Variants in PARVA observed in about 807,000 individuals in gnomAD.
The protein encoded by PARVA is alpha-parvin.
PARVA carries 25 observed loss-of-function variants against 52.6 expected under a neutral mutation model. The observed-to-expected ratio is 0.48, with a 90% confidence interval of 0.35 to 0.66. PARVA has a LOEUF of 0.66. PARVA is among the 30% of genes least tolerant of loss of function. PARVA has a pLI of 0.01. For missense variants in PARVA, 373 were observed against 450.9 expected, an observed-to-expected ratio of 0.83 and a Z score of 1.56; for synonymous variants, 185 against 179.1, an observed-to-expected ratio of 1.03 and a Z score of -0.26.
chr11:12,383,415 T>C (rs988771415), intron 1 of PARVA, among the ~76,000 whole-genome samples: 8 of 152,248 alleles, frequency 5.3e-5, no homozygotes, highest in African/African-American at 1.9e-4. Flanking sequence ...TACCCATTCA[T>C]TTAAGTTTTT....
intron 1 of PARVA, among the ~76,000 whole-genome samples, chr11:12,399,841 G>T (rs946094976): frequency 2.0e-5 from 3 of 152,020 alleles, no homozygotes; most frequent in Non-Finnish European, 2.9e-5. Context: ...TTCCCTCATT[G>T]TTGGAGCTTA....
chr11:12,473,911 AGAG>A lies in PARVA; in HGVS notation c.229_231del (p.Glu77del). ...CCCACTGAATTCCTTTTCTTTTTAA[AGAG>A]GAGAATGAGGTGCGAACAATGGTGG... On this transcript the variant is annotated splice_acceptor_variant and coding_sequence_variant, in exon 3 of 13. Coordinates refer to ENST00000334956, the MANE Select transcript of PARVA (RefSeq NM_018222.5). LOFTEE classifies it high-confidence loss of function. 6.3e-7 allele frequency: 1 copy of A among 1,574,846 alleles called. No homozygotes were observed. Among genetic ancestry groups the A allele is most frequent in the Non-Finnish European group, 8.6e-7 (1 of 1,159,888 alleles).
chr11:12,506,730 T>G (rs1248681237), intron 6 of PARVA, among the ~76,000 whole-genome samples: 3 of 152,204 alleles, frequency 2.0e-5, no homozygotes, highest in African/African-American at 4.8e-5. Flanking sequence ...TGTTTTTGCT[T>G]TATCAAGTTG....
chr11:12,406,651 G>C (rs555566714), intron 1 of PARVA, among the ~76,000 whole-genome samples: 63 of 140,574 alleles, frequency 4.5e-4, no homozygotes, highest in Non-Finnish European at 7.9e-4. Flanking sequence ...TAGCTATTTA[G>C]GTTGTATCTG....
At chr11:12,396,495 T>C (rs1565326605) in intron 1 of PARVA, among the ~76,000 whole-genome samples, 2 of 152,212 alleles carry the variant, frequency 1.3e-5, no homozygotes, top group African/African-American at 4.8e-5. Context: ...GACAGGTTCA[T>C]CATTCTCTCT....
intron 3 of PARVA, 135 bp from the exon 4 acceptor site, chr11:12,477,712 A>G: frequency 1.7e-6 from 1 of 603,686 alleles, no homozygotes; most frequent in South Asian, 2.0e-5. Context: ...GTGAGACCCC[A>G]TCTCAAATAA....
intron 10 of PARVA, among the ~76,000 whole-genome samples, chr11:12,515,667 C>G (rs796372665): frequency 3.3e-5 from 5 of 152,282 alleles, no homozygotes; most frequent in African/African-American, 1.2e-4. Context: ...TTCTTTTACT[C>G]CTAACTCCTT....
At chr11:12,409,999 G>A (rs1939971692) in intron 1 of PARVA, among the ~76,000 whole-genome samples, 1 of 152,080 alleles carries the variant, frequency 6.6e-6, no homozygotes, top group South Asian at 2.1e-4. Flanking sequence ...GACTATCTAG[G>A]GGACTTGCTA....
chr11:12,425,849 G>C (rs931210517), intron 1 of PARVA, among the ~76,000 whole-genome samples: 1 of 152,144 alleles, frequency 6.6e-6, no homozygotes, highest in African/African-American at 2.4e-5. Flanking sequence ...TTCTTACTTC[G>C]TTACCAGGCA....
At chr11:12,393,695 G>A (rs1040260424) in intron 1 of PARVA, among the ~76,000 whole-genome samples, 4 of 152,160 alleles carry the variant, frequency 2.6e-5, no homozygotes, top group African/African-American at 7.2e-5. Flanking sequence ...ACTCAGCTAT[G>A]TGGCCACACC....
chr11:12,397,030 C>G (rs558641441), intron 1 of PARVA, among the ~76,000 whole-genome samples: 2 of 149,586 alleles, frequency 1.3e-5, no homozygotes, highest in Non-Finnish European at 1.5e-5. Context: ...TAAGAGTGTT[C>G]AGCGGTTTAT....
chr11:12,407,240 GA>G (rs1443357744), intron 1 of PARVA, among the ~76,000 whole-genome samples: 1 of 152,120 alleles, frequency 6.6e-6, no homozygotes, highest in Non-Finnish European at 1.5e-5. Context: ...TTAGCATCTG[GA>G]AATATCAATT....
rs1564857435 is a variant in PARVA, at chr11:12,477,831, TTC to T, written c.298-6_298-5del. 3.2e-5 allele frequency: 43 copies of T among 1,352,242 alleles called. No homozygotes were observed. The highest frequency in any genetic ancestry group is 2.3e-4 in the East Asian group (10 of 43,714). The allele number at this position is 1,352,242 out of a possible 1,614,324, so 83.8% of individuals were successfully genotyped here. A position where few individuals can be genotyped will look rare whatever the true frequency, so the allele number is the denominator to read the frequency against. On this transcript the variant is annotated splice_polypyrimidine_tract_variant and intron_variant, in intron 3 of 12. Transcript: ENST00000334956. The stretch of plus-strand genomic sequence containing the variant: ...CTTTTCTTACTATTGCACATTCCCT[TTC>T]TCTCTCTCTGTAGGTATTAATTGAC...
intron 12 of PARVA, among the ~76,000 whole-genome samples, chr11:12,522,656 T>A (rs1050776077): frequency 2.0e-5 from 3 of 151,988 alleles, no homozygotes; most frequent in Non-Finnish European, 2.9e-5. Context: ...TGATCTCAGG[T>A]GATCCGCCTG....
intron 12 of PARVA, among the ~76,000 whole-genome samples, 198 bp from the exon 13 acceptor site, chr11:12,527,651 T>G (rs1369159998): frequency 1.3e-5 from 2 of 152,142 alleles, no homozygotes; most frequent in Non-Finnish European, 2.9e-5. Context: ...TCAGGCCTTC[T>G]TATCTGGAGA....
At chr11:12,463,777 C>T (rs1589967208) in intron 1 of PARVA, among the ~76,000 whole-genome samples, 1 of 152,258 alleles carries the variant, frequency 6.6e-6, no homozygotes, top group African/African-American at 2.4e-5. Flanking sequence ...TCTTCTCTTC[C>T]ATGTGTTAAT....
At chr11:12,444,903 G>T (rs570339066) in intron 1 of PARVA, among the ~76,000 whole-genome samples, 1 of 152,286 alleles carries the variant, frequency 6.6e-6, no homozygotes, top group South Asian at 2.1e-4. Context: ...GTGCCTGGTG[G>T]TCTATCTGGA....
At chr11:12,393,043 T>TA (rs1565325536) in intron 1 of PARVA, among the ~76,000 whole-genome samples, 50 of 78,520 alleles carry the variant, frequency 6.4e-4, no homozygotes, top group East Asian at 1.1e-3. Context: ...CCCCAAATTG[T>TA]GAAAAAAAAA....
chr11:12,393,011 TG>T (rs1248473410), intron 1 of PARVA, among the ~76,000 whole-genome samples: 3 of 138,424 alleles, frequency 2.2e-5, no homozygotes, highest in African/African-American at 8.5e-5. Context: ...AATTGGAAAT[TG>T]TTGGCTGGAA....
Sources: gnomAD v4.1 joint callset for allele counts (sites outside exome capture counted in the v4.1 genomes callset) on GRCh38, gnomAD v4.1.1 for gene constraint, MANE v1.5 for transcripts, NCBI Gene and HGNC (gene_info 2026-07-23, HGNC 2026-07-21) for gene names.